Variants in TRPM8 observed in about 807,000 individuals in gnomAD.
TRPM8 encodes transient receptor potential cation channel subfamily M member 8, also known as TRPM8 cationic channel.
A neutral mutation model predicts 133.7 loss-of-function variants in TRPM8; 110 were observed. The observed-to-expected ratio is 0.82, with a 90% CI of 0.70 to 0.96. The LOEUF (loss-of-function observed/expected upper bound fraction) is 0.96. Ranked by LOEUF, TRPM8 falls within the 40% of genes least tolerant of loss-of-function variation. TRPM8 has a pLI of 0.00. For synonymous variants in TRPM8, 535 were observed against 532.3 expected (o/e 1.01, Z -0.07); for missense variants, 1,291 against 1,379.5 (o/e 0.94, Z 1.02).
At chr2:233,961,882 G>A (rs998837797) in intron 12 of TRPM8, among the ~76,000 whole-genome samples, 2 of 152,098 alleles carry the variant, frequency 1.3e-5, no homozygotes, top group South Asian at 2.1e-4. Flanking sequence ...TGCCTGCCTC[G>A]GCCTCCCAAG....
At position 233,949,952 on chromosome 2, in the gene TRPM8, A is replaced by G. The variant is rs768795381; in HGVS notation, c.946A>G (p.Ile316Val). Residue 316 changes from isoleucine (I) to valine (V), a missense_variant, in exon 9 of 26, where the codon ATC becomes GTC. Physicochemically the swap from Ile to Val is conservative, Grantham distance 29. Coordinates refer to ENST00000324695, the MANE Select transcript of TRPM8 (RefSeq NM_024080.5). ...QGGGKETLKA[I>V]NTSIKNKIPC... Reference sequence around the variant, plus strand: ...TGACTCTGTCTCCTTCCTCCAGGCCATCAATACCTCCATCAAAAATAAAAT... The same window carrying G: ...TGACTCTGTCTCCTTCCTCCAGGCCGTCAATACCTCCATCAAAAATAAAAT... The G allele has an allele frequency of 1.2e-6, 2 of 1,614,062 alleles. No individual in the cohort carries two copies. The highest frequency in any genetic ancestry group is 1.7e-6 in the Non-Finnish European group (2 of 1,180,018).
chr2:233,996,646 A>C, intron 22 of TRPM8, 130 bp downstream of exon 22: 2 of 878,930 alleles, frequency 2.3e-6, no homozygotes, highest in Non-Finnish European at 3.5e-6. Flanking sequence ...TACATCTGTA[A>C]AGATCAGGCC....
chr2:234,000,150 GC>G (rs1445778428), intron 22 of TRPM8, among the ~76,000 whole-genome samples: 2 of 149,626 alleles, frequency 1.3e-5, no homozygotes, highest in East Asian at 3.9e-4. Flanking sequence ...TCTCTGTGTT[GC>G]CCAGGCTGGA....
chr2:233,935,208 T>C (rs901382863), intron 3 of TRPM8, among the ~76,000 whole-genome samples: 1 of 152,240 alleles, frequency 6.6e-6, no homozygotes, highest in African/African-American at 2.4e-5. Context: ...GAATATAAGA[T>C]AAAGAGTCCA....
At chr2:233,946,099 CA>C in intron 7 of TRPM8, 69 bp downstream of exon 7, 1 of 1,459,738 alleles carries the variant, frequency 6.9e-7, no homozygotes, top group South Asian at 1.2e-5. Context: ...CAACAACAAT[CA>C]CTACCAACTA....
chr2:233,966,708 G>A lies in TRPM8; in HGVS notation c.1978G>A (p.Ala660Thr). 7 of 1,611,030 alleles carry A rather than the reference G, an allele frequency of 4.3e-6. No homozygotes were observed. Among genetic ancestry groups the A allele is most frequent in the African/African-American group, 1.3e-5 (1 of 74,988 alleles). Residue 660 changes from alanine (A) to threonine (T), a missense_variant, in exon 15 of 26, where the codon GCG becomes ACG. Ala to Thr is a moderately conservative substitution (Grantham distance 58). Transcript: ENST00000324695. ...AWGGSNCLEL[A>T]VEATDQHFIA... The stretch of plus-strand genomic sequence containing the variant: ...GGGTGGAAGCAACTGTCTGGAGCTG[G>A]CGGTGGAGGCCACAGACCAGCATTT...
Position 233,960,841 on chromosome 2 carries a change from C to A in TRPM8, c.1428C>A (p.Leu476=), listed in dbSNP as rs971907005. ...AGGACAGACCCAAGTTTGTCCGCCT[C>A]TTTCTGGAGAATGGCTTGAACCTAC... ...LIKDRPKFVR[L]FLENGLNLRK... Residue 476 remains leucine (L), a synonymous_variant, in exon 12 of 26, where the codon CTC becomes CTA. Transcript: ENST00000324695. 6.2e-7 allele frequency: 1 copy of A among 1,614,188 alleles called. No homozygotes were observed. The highest frequency in any genetic ancestry group is 8.5e-7 in the Non-Finnish European group (1 of 1,180,016).
chr2:234,014,480 A>T (rs3732214), intron 24 of TRPM8, 82 bp from the exon 25 acceptor site: 5 of 790,614 alleles, frequency 6.3e-6, no homozygotes, highest in African/African-American at 5.5e-5. Context: ...TCTGTTTCTT[A>T]GAAAAGGCAC....
intron 1 of TRPM8, 29 bp from the exon 2 acceptor site, chr2:233,926,504 A>G: frequency 6.4e-7 from 1 of 1,571,704 alleles, no homozygotes; most frequent in Non-Finnish European, 8.8e-7. Context: ...TTTGTAACCC[A>G]AACTTATCCC....
rs780347449 is a variant in TRPM8 at position 233,945,845 on chromosome 2, G to A, written c.700-11G>A. 2 of 1,605,674 alleles carry A rather than the reference G, an allele frequency of 1.2e-6. No individual in the cohort carries two copies. Among genetic ancestry groups the A allele is most frequent in the Non-Finnish European group, 1.7e-6 (2 of 1,173,422 alleles). On this transcript the variant is annotated splice_polypyrimidine_tract_variant and intron_variant, in intron 6 of 25. Transcript: ENST00000324695. ...TACAATCTCAAAGACAAGTTTCCCT[G>A]TACTTTTCAGGGCTATTTTTTAGCC...
intron 21 of TRPM8, among the ~76,000 whole-genome samples, chr2:233,993,650 CT>C (rs1692336367): frequency 6.6e-6 from 1 of 152,136 alleles, no homozygotes; most frequent in African/African-American, 2.4e-5. Context: ...ATGTTTTTCC[CT>C]GACTCCAAGT....
intron 8 of TRPM8, among the ~76,000 whole-genome samples, chr2:233,948,316 T>A (rs1203056134): frequency 6.6e-6 from 1 of 152,116 alleles, no homozygotes; most frequent in Non-Finnish European, 1.5e-5. Context: ...AAAATAGAGA[T>A]TTTTTTTCAG....
intron 19 of TRPM8, among the ~76,000 whole-genome samples, chr2:233,982,631 C>G (rs4233637): frequency 0.25 from 38,518 of 152,098 alleles, 5,912 homozygotes; most frequent in Non-Finnish European, 0.35. Flanking sequence ...CCATTCTTGT[C>G]TAATAAGGAT....
intron 24 of TRPM8, chr2:234,013,529 T>C (rs772824266): frequency 2.5e-4 from 38 of 152,326 alleles, no homozygotes; most frequent in Middle Eastern, 6.8e-3. Context: ...TTCCTTTTCT[T>C]AAAAGGTTTG....
chr2:233,968,871 G>C (rs1034766972), intron 15 of TRPM8, among the ~76,000 whole-genome samples: 3 of 152,006 alleles, frequency 2.0e-5, no homozygotes, highest in Non-Finnish European at 4.4e-5. Flanking sequence ...AGTCTGGGGA[G>C]AGCTTTTACA....
At chr2:233,937,661 A>G (rs1244390371) in intron 4 of TRPM8, 152 bp downstream of exon 4, 2 of 948,352 alleles carry the variant, frequency 2.1e-6, no homozygotes, top group Admixed American at 5.1e-5. Flanking sequence ...ATCTTGTAAA[A>G]GCCAAAAAGC....
At chr2:233,946,471 A>T (rs538880018) in intron 7 of TRPM8, 6 of 168,938 alleles carry the variant, frequency 3.6e-5, no homozygotes, top group Non-Finnish European at 7.8e-5. Flanking sequence ...AACAGAAAAC[A>T]GTGGTCTCAA....
intron 24 of TRPM8, among the ~76,000 whole-genome samples, chr2:234,010,672 C>T (rs942048539): frequency 8.5e-5 from 13 of 152,132 alleles, no homozygotes; most frequent in Non-Finnish European, 1.8e-4. Flanking sequence ...TAATAAGCGT[C>T]GTAACAGGTG....
At chr2:233,972,703 C>A (rs1385526378) in intron 17 of TRPM8, among the ~76,000 whole-genome samples, 1 of 152,232 alleles carries the variant, frequency 6.6e-6, no homozygotes, top group African/African-American at 2.4e-5. Context: ...TCCGCAGCCA[C>A]TGGCCCGGGT....
Sources: allele counts gnomAD v4.1 joint callset (sites outside exome capture counted in the v4.1 genomes callset), GRCh38; gene constraint gnomAD v4.1.1; transcripts MANE v1.5; gene names NCBI Gene and HGNC (gene_info 2026-07-23, HGNC 2026-07-21).